Variants in PTPRT observed in about 807,000 individuals in gnomAD.
PTPRT encodes receptor-type tyrosine-protein phosphatase T.
A neutral mutation model predicts 176.8 loss-of-function variants in PTPRT; 56 were observed. The ratio of observed to expected loss-of-function variants is 0.32; its 90% CI spans 0.26 to 0.40. The LOEUF (loss-of-function observed/expected upper bound fraction) is 0.40, where lower values mean the gene tolerates loss of function less well. Ranked by LOEUF, PTPRT falls within the 10% of genes least tolerant of loss-of-function variation. The pLI is 1.00. For synonymous variants in PTPRT, 783 were observed against 739.0 expected (o/e 1.06, Z -0.96); for missense variants, 1,540 against 1,908.2 (o/e 0.81, Z 3.60).
intron 1 of PTPRT, among the ~76,000 whole-genome samples, chr20:43,117,672 A>G (rs2013109580): frequency 6.6e-6 from 1 of 152,154 alleles, no homozygotes; most frequent in East Asian, 1.9e-4. Context: ...CTTCAGAAAA[A>G]CAAGTGCACT....
At position 42,951,531 on chromosome 20, in the gene PTPRT, T is replaced by C. The variant is rs1375760500; in HGVS notation, c.89-65599A>G. ...AGCACCTACCATGTACCAGGCAAGA[T>C]GTGAAAAGCACTGAGGATTCAGCAC... On this transcript the variant is annotated intron_variant, in intron 1 of 30. Transcript: ENST00000373187. Among the ~76,000 whole-genome samples the C allele has an allele frequency of 2.6e-5, 4 of 152,166 alleles. No homozygotes were observed. In the South Asian group the frequency reaches 6.2e-4, roughly 24 times the overall value.
At chr20:42,059,925 T>A in the PTPRT span, among the ~76,000 whole-genome samples, 1 of 152,168 alleles carries the variant, frequency 6.6e-6, no homozygotes, top group African/African-American at 2.4e-5. Flanking sequence ...GGTTTTCCCA[T>A]ACATAAAATG....
chr20:42,340,789 C>T (rs952419276), intron 11 of PTPRT, among the ~76,000 whole-genome samples: 9 of 151,458 alleles, frequency 5.9e-5, no homozygotes, highest in East Asian at 2.0e-4. Context: ...GACAAAGCAG[C>T]GATGCAAACT....
the PTPRT span, among the ~76,000 whole-genome samples, chr20:42,058,537 G>A: frequency 6.6e-6 from 1 of 152,124 alleles, no homozygotes; most frequent in African/African-American, 2.4e-5. Flanking sequence ...CAGCTCCCTT[G>A]TCACCTTTCC....
At chr20:43,134,539 T>C (rs1445424945) in intron 1 of PTPRT, among the ~76,000 whole-genome samples, 1 of 152,176 alleles carries the variant, frequency 6.6e-6, no homozygotes, top group Non-Finnish European at 1.5e-5. Flanking sequence ...CCCACCCTGC[T>C]CCTTGGCTAT....
chr20:42,633,791 A>ATATATATATATATATATATATATAT (rs1159914302), intron 7 of PTPRT, among the ~76,000 whole-genome samples: 4 of 56,586 alleles, frequency 7.1e-5, no homozygotes, highest in African/African-American at 4.2e-4. Context: ...GAAAATATAT[A>ATATATATATATATATATATATATAT]TATATATATA....
intron 1 of PTPRT, among the ~76,000 whole-genome samples, chr20:42,920,013 C>T (rs558019814): frequency 4.6e-4 from 70 of 152,254 alleles, no homozygotes; most frequent in Admixed American, 9.2e-4. Flanking sequence ...CACATCAAAG[C>T]GGGGTGGTGA....
chr20:43,044,586 C>T (rs1986759681), intron 1 of PTPRT, among the ~76,000 whole-genome samples: 1 of 152,166 alleles, frequency 6.6e-6, no homozygotes, highest in Non-Finnish European at 1.5e-5. Flanking sequence ...GGCCTCAGCA[C>T]CTCCCTGCCG....
intron 1 of PTPRT, among the ~76,000 whole-genome samples, chr20:43,183,593 A>G (rs1055374381): frequency 3.3e-5 from 5 of 152,262 alleles, no homozygotes; most frequent in African/African-American, 1.2e-4. Context: ...ATGCAGAGTT[A>G]CACGACCATC....
chr20:42,272,704 T>C (rs2056957403), intron 13 of PTPRT, among the ~76,000 whole-genome samples: 2 of 141,366 alleles, frequency 1.4e-5, no homozygotes, highest in East Asian at 2.0e-4. Flanking sequence ...CGCGCATGCG[T>C]GCACACACAC....
Position 42,078,146 on chromosome 20 carries a change from G to C in PTPRT, c.*2733C>G. On this transcript the variant is annotated 3_prime_UTR_variant, in exon 31 of 31. Transcript: ENST00000373187. ...CCCGGGGTCTGCTGAAATACACCTGGGGAGAGGCTCATCAAAGGAAAAGAG... is the reference window on the plus strand; with the variant it reads ...CCCGGGGTCTGCTGAAATACACCTGCGGAGAGGCTCATCAAAGGAAAAGAG... 5.3e-6 allele frequency: 1 copy of C among 189,494 alleles called. No individual in the cohort carries two copies. The highest frequency in any genetic ancestry group is 1.1e-5 in the Non-Finnish European group (1 of 90,010). 11.7% of individuals were successfully genotyped at this position (189,494 alleles called of 1,614,324 possible).
chr20:42,796,784 C>G (rs1255436594), intron 2 of PTPRT, among the ~76,000 whole-genome samples: 1 of 152,166 alleles, frequency 6.6e-6, no homozygotes, highest in African/African-American at 2.4e-5. Context: ...GGCCCAAGCC[C>G]TGGTGAGCAA....
chr20:42,240,776 G>C (rs1043282048), intron 14 of PTPRT, among the ~76,000 whole-genome samples: 1 of 151,782 alleles, frequency 6.6e-6, no homozygotes, highest in Non-Finnish European at 1.5e-5. Context: ...CATTAATTCA[G>C]CAGAAACTTC....
chr20:42,045,690 C>A, the PTPRT span, among the ~76,000 whole-genome samples: 10 of 151,378 alleles, frequency 6.6e-5, no homozygotes, highest in Non-Finnish European at 1.2e-4. Context: ...TATTATTGTT[C>A]CCAGTTTACA....
chr20:42,480,905 C>A (rs918825889), intron 7 of PTPRT, among the ~76,000 whole-genome samples: 4 of 152,078 alleles, frequency 2.6e-5, no homozygotes, highest in Non-Finnish European at 4.4e-5. Context: ...AGCAAATGGG[C>A]ACAAAACAGC....
chr20:42,277,340 T>A (rs2057057450), intron 13 of PTPRT, among the ~76,000 whole-genome samples: 1 of 152,196 alleles, frequency 6.6e-6, no homozygotes, highest in African/African-American at 2.4e-5. Context: ...AAATCAAAGC[T>A]GATTTTTCTA....
chr20:42,723,182 T>C (rs2076328551), intron 6 of PTPRT, among the ~76,000 whole-genome samples: 2 of 152,184 alleles, frequency 1.3e-5, no homozygotes, highest in Non-Finnish European at 2.9e-5. Context: ...AAATGCTCAA[T>C]CAGTGCTGTC....
At chr20:42,628,076 C>G (rs2074329251) in intron 7 of PTPRT, among the ~76,000 whole-genome samples, 1 of 152,136 alleles carries the variant, frequency 6.6e-6, no homozygotes, top group Admixed American at 6.5e-5. Flanking sequence ...CCCACCCCAT[C>G]TGGACATTAA....
intron 9 of PTPRT, among the ~76,000 whole-genome samples, chr20:42,447,150 C>A (rs2070748020): frequency 2.0e-5 from 3 of 152,118 alleles, no homozygotes; most frequent in African/African-American, 7.2e-5. Context: ...ATTCTTCCCC[C>A]AAGCCCACTC....
Sources: gnomAD v4.1 joint callset for allele counts (sites outside exome capture counted in the v4.1 genomes callset) on GRCh38, gnomAD v4.1.1 for gene constraint, MANE v1.5 for transcripts, NCBI Gene and HGNC (gene_info 2026-07-23, HGNC 2026-07-21) for gene names.